Variants in ASCC3 observed in about 807,000 individuals in gnomAD.
The protein encoded by ASCC3 is ASC-1 complex subunit P200.
In ASCC3, 158 loss-of-function variants were observed where a neutral mutation model predicts 256.3. The observed-to-expected ratio is 0.62, with a 90% CI of 0.54 to 0.70. ASCC3 has a LOEUF of 0.70. Ranked by LOEUF, ASCC3 falls within the 30% of genes least tolerant of loss-of-function variation. The pLI, the probability that ASCC3 is intolerant of heterozygous loss-of-function variation, is 0.00. For missense variants in ASCC3, 2,259 were observed against 2,626.0 expected, an observed-to-expected ratio of 0.86 and a Z score of 3.05; for synonymous variants, 948 against 883.4, an observed-to-expected ratio of 1.07 and a Z score of -1.30.
chr6:100,683,659 G>T (rs1420653328), intron 13 of ASCC3, among the ~76,000 whole-genome samples: 3 of 151,858 alleles, frequency 2.0e-5, no homozygotes, highest in African/African-American at 7.2e-5. Context: ...AACACTTTTT[G>T]GTAACTGAGC....
At chr6:100,676,673 A>C (rs1296632229) in intron 14 of ASCC3, among the ~76,000 whole-genome samples, 1 of 152,206 alleles carries the variant, frequency 6.6e-6, no homozygotes, top group Non-Finnish European at 1.5e-5. Context: ...ACCAGAGAGA[A>C]AAGACTCATT....
intron 3 of ASCC3, among the ~76,000 whole-genome samples, chr6:100,859,890 A>G (rs149491901): frequency 5.0e-4 from 76 of 152,148 alleles, no homozygotes; most frequent in African/African-American, 1.8e-3. Flanking sequence ...TCCATACTAT[A>G]GTAAAATCAT....
At chr6:100,759,589 T>C (rs1781339275) in intron 10 of ASCC3, among the ~76,000 whole-genome samples, 1 of 152,044 alleles carries the variant, frequency 6.6e-6, no homozygotes, top group Non-Finnish European at 1.5e-5. Context: ...TCAGGTAGCA[T>C]GATGCCTCCA....
chr6:100,808,757 G>A (rs1770313020), intron 4 of ASCC3, among the ~76,000 whole-genome samples: 2 of 151,834 alleles, frequency 1.3e-5, no homozygotes, highest in Admixed American at 6.6e-5. Context: ...CCTGAGAAAT[G>A]CACCACTAGG....
At chr6:100,807,688 C>A (rs534420379) in intron 4 of ASCC3, among the ~76,000 whole-genome samples, 2 of 151,890 alleles carry the variant, frequency 1.3e-5, no homozygotes, top group Non-Finnish European at 2.9e-5. Context: ...AACAACAACA[C>A]AAAGCCAACT....
chr6:100,655,098 G>T (rs1257950879), intron 17 of ASCC3, among the ~76,000 whole-genome samples: 1 of 151,862 alleles, frequency 6.6e-6, no homozygotes, highest in Non-Finnish European at 1.5e-5. Context: ...AATATATGAA[G>T]CAGAGTTATA....
chr6:100,825,439 A>C (rs1397263843), intron 4 of ASCC3, among the ~76,000 whole-genome samples: 1 of 152,166 alleles, frequency 6.6e-6, no homozygotes, highest in Non-Finnish European at 1.5e-5. Context: ...GTTCCTTTAG[A>C]AATGTCCCTT....
intron 14 of ASCC3, among the ~76,000 whole-genome samples, chr6:100,679,026 T>A (rs190483113): frequency 1.3e-5 from 2 of 152,300 alleles, no homozygotes; most frequent in African/African-American, 4.8e-5. Flanking sequence ...CTGTAATGTA[T>A]ACAAAATCAC....
chr6:100,621,045 C>T (rs1773927694), intron 30 of ASCC3, among the ~76,000 whole-genome samples: 2 of 152,092 alleles, frequency 1.3e-5, no homozygotes, highest in Admixed American at 1.3e-4. Context: ...TTGCCTTATT[C>T]TTCAGATGGG....
At chr6:100,716,935 AAAG>A (rs1395808194) in intron 12 of ASCC3, among the ~76,000 whole-genome samples, 2 of 152,014 alleles carry the variant, frequency 1.3e-5, no homozygotes, top group Non-Finnish European at 2.9e-5. Flanking sequence ...TAAAGCTATA[AAAG>A]AAGGTCTACA....
intron 8 of ASCC3, among the ~76,000 whole-genome samples, chr6:100,770,779 G>C (rs1225058523): frequency 1.3e-5 from 2 of 151,032 alleles, no homozygotes; most frequent in African/African-American, 2.4e-5. Context: ...AAAGAGATGG[G>C]AAAGACCTGT....
intron 34 of ASCC3, among the ~76,000 whole-genome samples, chr6:100,600,791 T>C (rs1562153946): frequency 1.3e-5 from 2 of 152,142 alleles, no homozygotes; most frequent in Admixed American, 6.5e-5. Flanking sequence ...CTGGCCTTCC[T>C]GCTGTAATGG....
At chr6:100,793,604 T>C (rs1467290465) in intron 8 of ASCC3, among the ~76,000 whole-genome samples, 5 of 152,016 alleles carry the variant, frequency 3.3e-5, no homozygotes, top group Non-Finnish European at 5.9e-5. Flanking sequence ...ATAAATTTCA[T>C]GAGGAAGGAA....
chr6:100,532,618 CTCTAAGG>C (rs927643557), intron 37 of ASCC3, among the ~76,000 whole-genome samples: 6 of 151,456 alleles, frequency 4.0e-5, no homozygotes, highest in Admixed American at 3.3e-4. Flanking sequence ...TCCAGGCACT[CTCTAAGG>C]TCTAGGGTTG....
At chr6:100,842,252 C>T (rs1164676297) in intron 4 of ASCC3, among the ~76,000 whole-genome samples, 6 of 152,092 alleles carry the variant, frequency 3.9e-5, no homozygotes, top group Non-Finnish European at 7.4e-5. Context: ...TTTAAATACC[C>T]TATTCTAGTT....
intron 8 of ASCC3, among the ~76,000 whole-genome samples, chr6:100,776,601 T>A (rs557141281): frequency 2.7e-4 from 41 of 152,086 alleles, no homozygotes; most frequent in Non-Finnish European, 4.9e-4. Flanking sequence ...GTTTTGGATA[T>A]CCATTTATTA....
intron 4 of ASCC3, among the ~76,000 whole-genome samples, chr6:100,843,353 G>A (rs1162848107): frequency 2.0e-5 from 3 of 152,072 alleles, no homozygotes; most frequent in Non-Finnish European, 2.9e-5. Flanking sequence ...GTCAAGTAAC[G>A]CCATCTGCAT....
intron 36 of ASCC3, among the ~76,000 whole-genome samples, chr6:100,586,286 G>T (rs1375629087): frequency 6.6e-6 from 1 of 152,192 alleles, no homozygotes; most frequent in East Asian, 1.9e-4. Flanking sequence ...CCTGGGCAAT[G>T]GCGGGTGACC....
At chr6:100,656,070 AT>A (rs935133460) in intron 16 of ASCC3, among the ~76,000 whole-genome samples, 1 of 151,566 alleles carries the variant, frequency 6.6e-6, no homozygotes, top group African/African-American at 2.4e-5. Context: ...GCAGACAATT[AT>A]TTTTCTTTAT....
Sources: allele counts gnomAD v4.1 joint callset (sites outside exome capture counted in the v4.1 genomes callset), GRCh38; gene constraint gnomAD v4.1.1; transcripts MANE v1.5; gene names NCBI Gene and HGNC (gene_info 2026-07-23, HGNC 2026-07-21).